NALF1: variants seen among roughly 807,000 people sequenced by gnomAD.
The protein encoded by NALF1 is family with sequence similarity 155 member A.
A neutral mutation model predicts 48.4 loss-of-function variants in NALF1; 3 were observed. The observed-to-expected ratio is 0.06, with a 90% CI of 0.03 to 0.16. The LOEUF (loss-of-function observed/expected upper bound fraction) is 0.16, where lower values mean the gene tolerates loss of function less well. NALF1 is among the 10% of genes least tolerant of loss of function. The pLI, the probability that NALF1 is intolerant of heterozygous loss-of-function variation, is 1.00. For synonymous variants in NALF1, 262 were observed against 245.7 expected (o/e 1.07, Z -0.62); for missense variants, 526 against 571.5 (o/e 0.92, Z 0.81).
intron 1 of NALF1, among the ~76,000 whole-genome samples, chr13:107,528,944 T>C (rs943456982): frequency 5.9e-5 from 9 of 152,152 alleles, no homozygotes; most frequent in African/African-American, 2.2e-4. Flanking sequence ...TCATGAACTG[T>C]TAGGTACATG....
chr13:107,630,634 T>C (rs1430850794), intron 1 of NALF1, among the ~76,000 whole-genome samples: 1 of 152,188 alleles, frequency 6.6e-6, no homozygotes, highest in Non-Finnish European at 1.5e-5. Context: ...ATTTTTCTTA[T>C]AATCGTCTAA....
At chr13:107,560,443 T>A (rs1877612730) in intron 1 of NALF1, among the ~76,000 whole-genome samples, 1 of 152,204 alleles carries the variant, frequency 6.6e-6, no homozygotes. Flanking sequence ...AATTATGTAC[T>A]TAGAAATGTC....
rs1285671669 is a variant in NALF1 at position 107,168,938 on chromosome 13, T to G, written c.*1559A>C. ...CTGAAGTGCACTTCCCAAGTGTAGT[T>G]AGAGAATAGGAAGGAATGTAAAATT... On this transcript the variant is annotated 3_prime_UTR_variant, in exon 3 of 3. Coordinates refer to ENST00000375915, the MANE Select transcript of NALF1 (RefSeq NM_001080396.3). 6.6e-6 allele frequency: 1 copy of G among 151,392 alleles called. No individual in the cohort carries two copies. Among genetic ancestry groups the G allele is most frequent in the Non-Finnish European group, 1.5e-5 (1 of 67,888 alleles). The allele number at this position is 151,392 out of a possible 1,614,324, so 9.4% of individuals were successfully genotyped here. A position where few individuals can be genotyped will look rare whatever the true frequency, so the allele number is the denominator to read the frequency against.
At position 107,362,025 on chromosome 13, in the gene NALF1, T is replaced by C. The variant is rs973426878; in HGVS notation, c.916-151270A>G. 2.6e-5 allele frequency among the ~76,000 whole-genome samples: 4 copies of C among 152,180 alleles called. No individual in the cohort carries two copies. Among genetic ancestry groups the C allele is most frequent in the African/African-American group, 4.8e-5 (2 of 41,448 alleles). On this transcript the variant is annotated intron_variant, in intron 1 of 2. Transcript: ENST00000375915. This position sits in a 1 kb window ranked among gnomAD's most constrained non-coding sequence, Gnocchi z 4.6. ...GTTCTGGGATGGCACCATCATAAAC[T>C]GGGTCCCTGAGAAACTAGTAAACAG...
intron 1 of NALF1, among the ~76,000 whole-genome samples, chr13:107,558,283 A>C (rs1398932249): frequency 6.6e-6 from 1 of 152,038 alleles, no homozygotes; most frequent in South Asian, 2.1e-4. Flanking sequence ...TATTTTCATT[A>C]CTTCTAATTG....
At chr13:107,836,183 G>T (rs57125192) in intron 1 of NALF1, among the ~76,000 whole-genome samples, 2,097 of 152,106 alleles carry the variant, frequency 0.014, 33 homozygotes, top group African/African-American at 0.031. Context: ...TAGAGATGGG[G>T]TTTCATCATG....
intron 1 of NALF1, among the ~76,000 whole-genome samples, chr13:107,267,943 G>A (rs1038538550): frequency 2.7e-5 from 4 of 150,788 alleles, no homozygotes; most frequent in African/African-American, 9.8e-5. Flanking sequence ...TACTCAGAAT[G>A]ATGAGCAATT....
intron 1 of NALF1, among the ~76,000 whole-genome samples, chr13:107,386,960 T>A (rs892284842): frequency 1.3e-5 from 2 of 152,160 alleles, no homozygotes; most frequent in African/African-American, 4.8e-5. Flanking sequence ...AAGAATGATA[T>A]ATTTTCTGAG....
chr13:107,422,025 C>T (rs922005084), intron 1 of NALF1, among the ~76,000 whole-genome samples: 1 of 152,094 alleles, frequency 6.6e-6, no homozygotes, highest in Non-Finnish European at 1.5e-5. Context: ...AGTAGCAGTT[C>T]TCTTCATGTC....
At chr13:107,418,688 C>A (rs939656432) in intron 1 of NALF1, among the ~76,000 whole-genome samples, 1 of 151,940 alleles carries the variant, frequency 6.6e-6, no homozygotes, top group African/African-American at 2.4e-5. Context: ...AGTTTTTCAA[C>A]CCTCACTCCT....
chr13:107,300,534 T>C (rs1881817067), intron 1 of NALF1, among the ~76,000 whole-genome samples: 1 of 152,242 alleles, frequency 6.6e-6, no homozygotes, highest in Non-Finnish European at 1.5e-5. Context: ...TTTACAAGTA[T>C]ACTTGTTTAT....
chr13:107,606,088 T>C (rs1275181287), intron 1 of NALF1, among the ~76,000 whole-genome samples: 2 of 152,154 alleles, frequency 1.3e-5, no homozygotes, highest in Non-Finnish European at 2.9e-5. Flanking sequence ...TGTTTTCCAT[T>C]GCCTAAATTC....
chr13:107,236,563 C>T (rs1880345998), intron 1 of NALF1, among the ~76,000 whole-genome samples: 1 of 152,146 alleles, frequency 6.6e-6, no homozygotes, highest in Non-Finnish European at 1.5e-5. Context: ...AGATGTGTTT[C>T]TTAATGCTAG....
In NALF1 at chr13:107,259,899, C is replaced by T. The variant is rs1476330224; in HGVS notation, c.916-49144G>A. On this transcript the variant is annotated intron_variant, in intron 1 of 2. Coordinates refer to ENST00000375915, the MANE Select transcript of NALF1 (RefSeq NM_001080396.3). ...ATATTTAACAATGAAATCCACAGCT[C>T]TACACTCCATGAGAGCAAGCACTAT... Among the ~76,000 whole-genome samples, 4 of 152,316 alleles carry T rather than the reference C, an allele frequency of 2.6e-5. No individual in the cohort carries two copies. In the East Asian group the frequency reaches 7.7e-4, roughly 29 times the overall value.
At chr13:107,526,835 G>C (rs1333870045) in intron 1 of NALF1, among the ~76,000 whole-genome samples, 2 of 152,112 alleles carry the variant, frequency 1.3e-5, no homozygotes, top group Non-Finnish European at 2.9e-5. Context: ...AATAGCATCT[G>C]CTGTTCAGTA....
chr13:107,430,792 T>C (rs2139016749), intron 1 of NALF1, among the ~76,000 whole-genome samples: 1 of 152,318 alleles, frequency 6.6e-6, no homozygotes, highest in African/African-American at 2.4e-5. Context: ...CAGCATGATT[T>C]ATAGTCCTTT....
intron 1 of NALF1, among the ~76,000 whole-genome samples, chr13:107,765,934 T>C (rs1877406380): frequency 6.6e-6 from 1 of 152,212 alleles, no homozygotes; most frequent in Non-Finnish European, 1.5e-5. Flanking sequence ...AACTAGCTGT[T>C]TTAAATTCCT....
At chr13:107,669,113 G>A (rs1203697355) in intron 1 of NALF1, among the ~76,000 whole-genome samples, 1 of 151,730 alleles carries the variant, frequency 6.6e-6, no homozygotes, top group African/African-American at 2.4e-5. Flanking sequence ...TCAACATTTT[G>A]CTGATAATCT....
chr13:107,598,362 T>C (rs1878816704), intron 1 of NALF1, among the ~76,000 whole-genome samples: 1 of 152,222 alleles, frequency 6.6e-6, no homozygotes, highest in Admixed American at 6.5e-5. Context: ...GAAATGCCTA[T>C]GCTCATGTTT....
Sources: allele counts gnomAD v4.1 joint callset (sites outside exome capture counted in the v4.1 genomes callset), GRCh38; gene constraint gnomAD v4.1.1; non-coding constraint Gnocchi (gnomAD v3.1); transcripts MANE v1.5; gene names NCBI Gene and HGNC (gene_info 2026-07-23, HGNC 2026-07-21).